The following PCDH11X variants were observed in gnomAD, a reference collection of about 807,000 sequenced individuals.
PCDH11X encodes the protein protocadherin-11 X-linked.
PCDH11X carries 18 observed loss-of-function variants against 53.3 expected under a neutral mutation model. The observed-to-expected ratio is 0.34, with a 90% CI of 0.23 to 0.50. PCDH11X has a LOEUF of 0.50. Ranked by LOEUF, PCDH11X falls within the 20% of genes least tolerant of loss-of-function variation. The probability of loss-of-function intolerance (pLI) is 0.98; values close to 1 mark genes in which losing one functional copy is unlikely to be tolerated. For synonymous variants in PCDH11X, 279 were observed against 393.3 expected (o/e 0.71, Z 3.44); for missense variants, 570 against 1,032.4 (o/e 0.55, Z 6.14).
intron 9 of PCDH11X, among the ~76,000 whole-genome samples, chrX:92,466,887 G>GT (rs1477549651): frequency 9.2e-6 from 1 of 108,916 alleles, no homozygotes; most frequent in African/African-American, 3.3e-5. Flanking sequence ...TGAAAAGCAC[G>GT]TACGTTATTA....
intron 5 of PCDH11X, among the ~76,000 whole-genome samples, chrX:91,848,349 A>G (rs1385288123): frequency 2.7e-5 from 3 of 110,581 alleles, no homozygotes; most frequent in Non-Finnish European, 5.7e-5. Flanking sequence ...CTACAGGCAC[A>G]TTCTTTATGA....
Position 92,284,392 on chromosome X carries a change from T to A in PCDH11X, c.3144+21249T>A, listed in dbSNP as rs1426421036. On this transcript the variant is annotated intron_variant, in intron 8 of 10. Transcript: ENST00000682573. Reference sequence around the variant, plus strand: ...CCAGTTATTAGACATTATAAATTACTATTTGCTTTTTAAGCAATTAAATAT... The same window carrying A: ...CCAGTTATTAGACATTATAAATTACAATTTGCTTTTTAAGCAATTAAATAT... Among the ~76,000 whole-genome samples the A allele has an allele frequency of 4.2e-4, 47 of 111,496 alleles. No individual in the cohort carries two copies. In the Admixed American group the frequency reaches 4.4e-3, roughly 10 times the overall value.
chrX:92,358,816 C>A (rs1355976930), intron 8 of PCDH11X, among the ~76,000 whole-genome samples: 5 of 109,221 alleles, frequency 4.6e-5, no homozygotes, highest in Non-Finnish European at 9.5e-5. Context: ...TCTGTAGGTT[C>A]TCATATTTAT....
chrX:92,331,989 G>A (rs1382558426), intron 8 of PCDH11X, among the ~76,000 whole-genome samples: 2 of 111,179 alleles, frequency 1.8e-5, no homozygotes, highest in Non-Finnish European at 3.8e-5. Flanking sequence ...ATGAATAATG[G>A]ACGTTCAAAT....
chrX:91,976,138 A>G (rs1354919812), intron 6 of PCDH11X, among the ~76,000 whole-genome samples: 3 of 111,292 alleles, frequency 2.7e-5, no homozygotes, highest in Admixed American at 1.9e-4. Flanking sequence ...CTGTAGCCTC[A>G]ACCTCCCAGG....
chrX:91,787,029 CATT>C (rs1376141683), intron 1 of PCDH11X, among the ~76,000 whole-genome samples: 1 of 108,368 alleles, frequency 9.2e-6, no homozygotes, highest in African/African-American at 3.4e-5. Flanking sequence ...GCTTTGTAAA[CATT>C]ATATGATATT....
At chrX:92,055,802 A>G (rs1438229461) in intron 6 of PCDH11X, among the ~76,000 whole-genome samples, 1 of 110,814 alleles carries the variant, frequency 9.0e-6, no homozygotes, top group Non-Finnish European at 1.9e-5. Flanking sequence ...CAGACCATGC[A>G]GTATTTGGTT....
At chrX:92,075,753 A>G (rs2063763493) in intron 6 of PCDH11X, among the ~76,000 whole-genome samples, 1 of 111,907 alleles carries the variant, frequency 8.9e-6, no homozygotes, top group African/African-American at 3.2e-5. Flanking sequence ...ACAAGTTTCA[A>G]TCACCTTTTT....
chrX:92,518,100 A>C (rs1603354254), intron 10 of PCDH11X, among the ~76,000 whole-genome samples: 1 of 108,257 alleles, frequency 9.2e-6, no homozygotes, highest in East Asian at 3.0e-4. Context: ...ACAGTATGTA[A>C]AAACTATCAC....
intron 6 of PCDH11X, among the ~76,000 whole-genome samples, chrX:92,155,870 C>T (rs1935960813): frequency 9.3e-6 from 1 of 107,948 alleles, no homozygotes; most frequent in Non-Finnish European, 1.9e-5. Context: ...CCTCGTGATC[C>T]GCTTGCCTCG....
intron 6 of PCDH11X, among the ~76,000 whole-genome samples, chrX:92,001,476 T>C (rs1602653244): frequency 1.9e-5 from 2 of 107,231 alleles, no homozygotes; most frequent in East Asian, 2.9e-4. Context: ...TTCTTTCTTT[T>C]TTTTTTTTTG....
chrX:92,466,367 A>G (rs891044555), intron 9 of PCDH11X, among the ~76,000 whole-genome samples: 1 of 109,092 alleles, frequency 9.2e-6, no homozygotes, highest in African/African-American at 3.3e-5. Flanking sequence ...AGATTTAGAG[A>G]TACATTTCAA....
chrX:92,580,536 T>C (rs1379956402), intron 10 of PCDH11X, among the ~76,000 whole-genome samples: 1 of 110,158 alleles, frequency 9.1e-6, no homozygotes, highest in African/African-American at 3.3e-5. Context: ...ACAGCCACTG[T>C]GCGGTGCTGT....
rs10542503 is a variant in PCDH11X at position 92,424,184 on chromosome X, G to GTT, written c.3343+36265_3343+36266dup. 1.9e-3 allele frequency among the ~76,000 whole-genome samples: 147 copies of GTT among 76,351 alleles called. 4 individuals are homozygous for GTT. Among genetic ancestry groups the GTT allele is most frequent in the Middle Eastern group, 7.4e-3 (1 of 135 alleles). The allele number at this position is 76,351 out of a possible 115,157, so 66.3% of individuals were successfully genotyped here. On this transcript the variant is annotated intron_variant, in intron 9 of 10. Transcript: ENST00000682573. ...GAACACAGAATTTCTATTGGCAAAT[G>GTT]TTTTTTTTTTTTTTTCCCTTGAGAA...
intron 10 of PCDH11X, among the ~76,000 whole-genome samples, chrX:92,480,991 T>C (rs1402922873): frequency 2.7e-5 from 3 of 110,508 alleles, no homozygotes; most frequent in East Asian, 2.9e-4. Flanking sequence ...TGACTGTGCA[T>C]GTGGTCATAC....
chrX:92,142,158 ATTT>A (rs755188681), intron 6 of PCDH11X, among the ~76,000 whole-genome samples: 1 of 98,191 alleles, frequency 1.0e-5, no homozygotes, highest in African/African-American at 3.7e-5. Flanking sequence ...TATTATTATT[ATTT>A]TTTTTTTTTT....
intron 6 of PCDH11X, among the ~76,000 whole-genome samples, chrX:92,125,938 C>A (rs929561289): frequency 9.2e-6 from 1 of 108,433 alleles, no homozygotes; most frequent in African/African-American, 3.4e-5. Flanking sequence ...ACCAGTATGG[C>A]CAACATGGTG....
At chrX:92,503,044 T>G (rs2073988433) in intron 10 of PCDH11X, among the ~76,000 whole-genome samples, 2 of 106,828 alleles carry the variant, frequency 1.9e-5, no homozygotes, top group South Asian at 4.1e-4. Context: ...AACAAACACC[T>G]TCATAAAAAA....
chrX:92,082,934 T>G (rs1228034017), intron 6 of PCDH11X, among the ~76,000 whole-genome samples: 1 of 111,282 alleles, frequency 9.0e-6, no homozygotes, highest in African/African-American at 3.3e-5. Flanking sequence ...GAAGATGCAG[T>G]AGAATTTTAT....
Sources: allele counts gnomAD v4.1 joint callset (sites outside exome capture counted in the v4.1 genomes callset), GRCh38; gene constraint gnomAD v4.1.1; transcripts MANE v1.5; gene names NCBI Gene and HGNC (gene_info 2026-07-23, HGNC 2026-07-21).